Variants in LEMD3 observed in about 807,000 individuals in gnomAD.
LEMD3 encodes the protein inner nuclear membrane protein Man1.
LEMD3 carries 33 observed loss-of-function variants against 95.2 expected under a neutral mutation model. That is an observed-to-expected ratio of 0.35 (90% confidence interval 0.26 to 0.46). The LOEUF (loss-of-function observed/expected upper bound fraction) is 0.46. Ranked by LOEUF, LEMD3 falls within the 20% of genes least tolerant of loss-of-function variation. The probability of loss-of-function intolerance (pLI) is 1.00; values close to 1 mark genes in which losing one functional copy is unlikely to be tolerated. For synonymous variants in LEMD3, 525 were observed against 474.6 expected (o/e 1.11, Z -1.38); for missense variants, 1,210 against 1,192.8 (o/e 1.01, Z -0.21).
intron 9 of LEMD3, among the ~76,000 whole-genome samples, chr12:65,241,935 G>A (rs553546756): frequency 6.6e-6 from 1 of 152,242 alleles, no homozygotes; most frequent in African/African-American, 2.4e-5. Context: ...TAATACCTGG[G>A]TGATGGGTTT....
chr12:65,204,301 T>C (rs892220176), intron 1 of LEMD3, among the ~76,000 whole-genome samples: 1 of 152,052 alleles, frequency 6.6e-6, no homozygotes, highest in African/African-American at 2.4e-5. Flanking sequence ...CAGCATCCAT[T>C]AGCTGTTTTT....
rs1871170497 is a variant in LEMD3, at chr12:65,248,133, A to G, written c.*1808A>G. On this transcript the variant is annotated 3_prime_UTR_variant, in exon 13 of 13. Transcript: ENST00000308330. Reference sequence around the variant, plus strand: ...AACATATTTCATGTAAACATTGTACATTTATTATTGTAATATATACTATTA... The same window carrying G: ...AACATATTTCATGTAAACATTGTACGTTTATTATTGTAATATATACTATTA... 1 of 152,426 alleles carries G rather than the reference A, an allele frequency of 6.6e-6. No homozygotes were observed. The highest frequency in any genetic ancestry group is 2.1e-4 in the South Asian group (1 of 4,830). 9.4% of individuals were successfully genotyped at this position (152,426 alleles called of 1,614,324 possible).
intron 4 of LEMD3, among the ~76,000 whole-genome samples, chr12:65,229,354 A>G (rs1367366613): frequency 6.6e-6 from 1 of 152,172 alleles, no homozygotes; most frequent in Non-Finnish European, 1.5e-5. Flanking sequence ...GAGTACAGAT[A>G]CCTCTTTTCA....
intron 4 of LEMD3, among the ~76,000 whole-genome samples, chr12:65,223,833 C>CTTTTTTTTTTTT (rs71278238): frequency 8.0e-6 from 1 of 125,698 alleles, no homozygotes; most frequent in African/African-American, 3.0e-5. Flanking sequence ...TTTTTTGTGT[C>CTTTTTTTTTTTT]TTTTTTTTTT....
intron 1 of LEMD3, among the ~76,000 whole-genome samples, chr12:65,190,311 G>A (rs1369220105): frequency 6.6e-6 from 1 of 152,134 alleles, no homozygotes; most frequent in Non-Finnish European, 1.5e-5. Context: ...AGGCCATGAT[G>A]GGAAGTGGGG....
At chr12:65,216,848 T>G (rs1870125951) in intron 3 of LEMD3, among the ~76,000 whole-genome samples, 1 of 152,190 alleles carries the variant, frequency 6.6e-6, no homozygotes, top group African/African-American at 2.4e-5. Context: ...CTCTTTGTTT[T>G]GTACATTGGG....
intron 1 of LEMD3, among the ~76,000 whole-genome samples, chr12:65,187,761 A>C (rs1869112582): frequency 6.6e-6 from 1 of 152,058 alleles, no homozygotes; most frequent in Non-Finnish European, 1.5e-5. Context: ...AGGGTTCATA[A>C]ATTTTATTAA....
intron 9 of LEMD3, among the ~76,000 whole-genome samples, chr12:65,242,350 C>T (rs1007499346): frequency 6.6e-6 from 1 of 152,034 alleles, no homozygotes. Context: ...CCTAGATAAT[C>T]GTCTTGCTGT....
At chr12:65,198,597 C>T (rs972985190) in intron 1 of LEMD3, among the ~76,000 whole-genome samples, 6 of 151,988 alleles carry the variant, frequency 3.9e-5, no homozygotes, top group African/African-American at 9.7e-5. Context: ...CCTCGGTATC[C>T]GTGGGGGATT....
intron 1 of LEMD3, among the ~76,000 whole-genome samples, chr12:65,183,434 G>T (rs1363426956): frequency 6.6e-6 from 1 of 152,086 alleles, no homozygotes. Context: ...TATATTATTG[G>T]TTTAATGAGA....
At chr12:65,229,707 T>C (rs1434726562) in intron 4 of LEMD3, among the ~76,000 whole-genome samples, 1 of 152,174 alleles carries the variant, frequency 6.6e-6, no homozygotes, top group East Asian at 1.9e-4. Flanking sequence ...CTAAGCTCAT[T>C]TGCCCTTTGA....
intron 8 of LEMD3, chr12:65,240,698 T>TG: frequency 1.7e-6 from 1 of 582,428 alleles, no homozygotes; most frequent in Middle Eastern, 4.6e-4. Context: ...GTGGAGCTTT[T>TG]GGGGAAAAAA....
At chr12:65,203,408 A>G (rs557486541) in intron 1 of LEMD3, among the ~76,000 whole-genome samples, 1 of 152,298 alleles carries the variant, frequency 6.6e-6, no homozygotes, top group Non-Finnish European at 1.5e-5. Flanking sequence ...TTGTAAGTCC[A>G]TATGTTATTT....
At chr12:65,216,873 C>T (rs1211065535) in intron 3 of LEMD3, among the ~76,000 whole-genome samples, 1 of 152,098 alleles carries the variant, frequency 6.6e-6, no homozygotes, top group Non-Finnish European at 1.5e-5. Flanking sequence ...TAATTCTGGT[C>T]AATTTTTTAA....
chr12:65,178,137 C>A (rs528036533), intron 1 of LEMD3, among the ~76,000 whole-genome samples: 1 of 151,818 alleles, frequency 6.6e-6, no homozygotes, highest in South Asian at 2.1e-4. Context: ...TCAGCCATAG[C>A]AGCCGGCCTA....
intron 2 of LEMD3, among the ~76,000 whole-genome samples, 193 bp downstream of exon 2, chr12:65,211,156 T>G (rs1033368752): frequency 6.6e-6 from 1 of 152,210 alleles, no homozygotes; most frequent in Non-Finnish European, 1.5e-5. Context: ...TTCTGAGTAT[T>G]CCCTAACTGT....
In LEMD3 at chr12:65,238,571, G is replaced by A; in HGVS notation, c.1765G>A (p.Val589Ile). ...LQWILENGKD[V>I]GIRCVGFGPE... ...GTGGATCTTAGAAAATGGAAAAGATGTTGGAATAAGGTAAAGGATCTGATT... is the reference window on the plus strand; with the variant it reads ...GTGGATCTTAGAAAATGGAAAAGATATTGGAATAAGGTAAAGGATCTGATT... The change falls in exon 5 of 13, where the codon GTT becomes ATT. Residue 589 changes from valine (V) to isoleucine (I), a missense_variant. By Grantham distance (29) the Val-to-Ile change is conservative. This residue lies in a region of LEMD3 where 461 missense variants were observed against 569.8 expected (regional missense o/e 0.81). Transcript: ENST00000308330. 2 of 1,612,280 alleles carry A rather than the reference G, an allele frequency of 1.2e-6. No homozygotes were observed. Among genetic ancestry groups the A allele is most frequent in the Non-Finnish European group, 1.7e-6 (2 of 1,178,362 alleles).
intron 4 of LEMD3, among the ~76,000 whole-genome samples, chr12:65,221,049 C>CA (rs1257913423): frequency 2.0e-5 from 3 of 151,980 alleles, no homozygotes; most frequent in Admixed American, 2.0e-4. Flanking sequence ...TCTATTTCTG[C>CA]AAAAAATGCT....
chr12:65,185,899 G>A (rs187211867), intron 1 of LEMD3, among the ~76,000 whole-genome samples: 26 of 151,974 alleles, frequency 1.7e-4, no homozygotes, highest in African/African-American at 6.3e-4. Flanking sequence ...AAAGACTTGG[G>A]GAGCCTTGCC....
Sources: allele counts gnomAD v4.1 joint callset (sites outside exome capture counted in the v4.1 genomes callset), GRCh38; gene constraint gnomAD v4.1.1; regional missense constraint gnomAD v4.1.1; transcripts MANE v1.5; gene names NCBI Gene and HGNC (gene_info 2026-07-23, HGNC 2026-07-21).